Variants in SH3D19 observed in about 807,000 individuals in gnomAD.
The protein encoded by SH3D19 is SH3 domain-containing protein 19.
In SH3D19, 58 loss-of-function variants were observed where a neutral mutation model predicts 112.1. The observed-to-expected ratio is 0.52, with a 90% CI of 0.42 to 0.64. SH3D19 has a LOEUF of 0.64. Ranked by LOEUF, SH3D19 falls within the 30% of genes least tolerant of loss-of-function variation. The pLI is 0.00. For missense variants in SH3D19, 1,090 were observed against 1,263.4 expected (o/e 0.86, Z 2.08); for synonymous variants, 391 against 448.5 (o/e 0.87, Z 1.62).
chr4:151,179,771 T>A (rs1236461781), intron 3 of SH3D19, among the ~76,000 whole-genome samples: 1 of 152,220 alleles, frequency 6.6e-6, no homozygotes, highest in Non-Finnish European at 1.5e-5. Flanking sequence ...TCGATTCCAA[T>A]CTATATGACT....
chr4:151,192,329 A>G (rs1052527177), intron 2 of SH3D19, among the ~76,000 whole-genome samples: 41 of 152,190 alleles, frequency 2.7e-4, no homozygotes, highest in African/African-American at 9.4e-4. Flanking sequence ...CTTATCTGTA[A>G]TATGAGGATA....
intron 1 of SH3D19, among the ~76,000 whole-genome samples, chr4:151,270,494 G>C (rs189567935): frequency 6.6e-6 from 1 of 152,278 alleles, no homozygotes. Context: ...AGAACCATGA[G>C]CCAATTAAAG....
rs1267314374 is a variant in SH3D19, at chr4:151,149,537, C to T, written c.1780G>A (p.Gly594Arg). 2 of 1,611,418 alleles carry T rather than the reference C, an allele frequency of 1.2e-6. No homozygotes were observed. The highest frequency in any genetic ancestry group is 1.7e-6 in the Non-Finnish European group (2 of 1,178,732). ...CTTGGGGGTACTCGCACAAAACCTC[C>T]TGTTTGACCTGGGTGGTTGGATTCC... ...NLESNHPGQT[G>R]GFVRVPPRLP... The change falls in exon 10 of 20, where the codon GGA becomes AGA. Residue 594 changes from glycine (G) to arginine (R), a missense_variant. Transcript: ENST00000604030.
intron 1 of SH3D19, among the ~76,000 whole-genome samples, chr4:151,318,771 G>C (rs1480963024): frequency 6.6e-6 from 1 of 152,190 alleles, no homozygotes; most frequent in Non-Finnish European, 1.5e-5. Flanking sequence ...AAGAATAGAA[G>C]CAGAGAGGTT....
chr4:151,247,265 C>T (rs1423136120), intron 1 of SH3D19, among the ~76,000 whole-genome samples: 1 of 152,032 alleles, frequency 6.6e-6, no homozygotes, highest in African/African-American at 2.4e-5. Context: ...TAAAAAGGAA[C>T]GAACTGGAAG....
chr4:151,143,676 G>C (rs1291675784), intron 12 of SH3D19, among the ~76,000 whole-genome samples: 1 of 151,606 alleles, frequency 6.6e-6, no homozygotes, highest in Non-Finnish European at 1.5e-5. Context: ...CCAGGCTGGA[G>C]TGCAGTGAAG....
intron 1 of SH3D19, among the ~76,000 whole-genome samples, chr4:151,284,141 T>A (rs1774512667): frequency 6.6e-6 from 1 of 152,246 alleles, no homozygotes; most frequent in African/African-American, 2.4e-5. Flanking sequence ...TGGAAATTTT[T>A]CAGTAATGAT....
intron 9 of SH3D19, among the ~76,000 whole-genome samples, chr4:151,155,971 A>T (rs1756033206): frequency 1.3e-5 from 2 of 152,244 alleles, no homozygotes; most frequent in Admixed American, 1.3e-4. Flanking sequence ...TGAATTCAGT[A>T]AAGTTGCAGG....
At chr4:151,254,317 A>T (rs1307428382) in intron 1 of SH3D19, among the ~76,000 whole-genome samples, 7 of 150,704 alleles carry the variant, frequency 4.6e-5, no homozygotes, top group South Asian at 2.1e-4. Flanking sequence ...TTATTTATTT[A>T]TTTTTTAAAT....
At position 151,289,632 on chromosome 4, in the gene SH3D19, C is replaced by T. The variant is rs181495031; in HGVS notation, c.112+35609G>A. On this transcript the variant is annotated intron_variant, in intron 1 of 19. Transcript: ENST00000604030. ...ATATGCAAATGTAGAGAAATTGGAG[C>T]CTTCTAACACTGTTGGTGGTAATAT... is the stretch of plus-strand genomic sequence containing the variant. 9.9e-4 allele frequency among the ~76,000 whole-genome samples: 151 copies of T among 152,244 alleles called. 1 individual carries two copies. Among genetic ancestry groups the T allele is most frequent in the East Asian group, 5.0e-3 (26 of 5,188 alleles).
intron 19 of SH3D19, among the ~76,000 whole-genome samples, chr4:151,126,776 T>C (rs1409650577): frequency 3.1e-5 from 4 of 127,778 alleles, no homozygotes; most frequent in East Asian, 4.6e-4. Context: ...CCAGCCTGGG[T>C]GACAGAGCGA....
At chr4:151,163,305 A>G (rs1316235746) in intron 8 of SH3D19, among the ~76,000 whole-genome samples, 2 of 152,214 alleles carry the variant, frequency 1.3e-5, no homozygotes, top group Non-Finnish European at 2.9e-5. Flanking sequence ...GAGTCCTCCT[A>G]GTGAATCATC....
chr4:151,184,977 T>C (rs1364679753), intron 3 of SH3D19, among the ~76,000 whole-genome samples: 1 of 151,548 alleles, frequency 6.6e-6, no homozygotes, highest in African/African-American at 2.4e-5. Context: ...TTAAGAGCTA[T>C]TGGTGATTCA....
chr4:151,236,836 A>T (rs1466810610), intron 1 of SH3D19, among the ~76,000 whole-genome samples: 2 of 151,644 alleles, frequency 1.3e-5, no homozygotes, highest in African/African-American at 2.4e-5. Flanking sequence ...GCACCAATCA[A>T]CAATCTGTCA....
intron 19 of SH3D19, among the ~76,000 whole-genome samples, chr4:151,125,462 T>A (rs1748996731): frequency 1.2e-5 from 1 of 85,612 alleles, no homozygotes; most frequent in Admixed American, 1.5e-4. Flanking sequence ...TGAGACCCTG[T>A]CTCAGAAACA....
chr4:151,246,216 G>GTA (rs910800902), intron 1 of SH3D19, among the ~76,000 whole-genome samples: 5 of 152,228 alleles, frequency 3.3e-5, no homozygotes, highest in East Asian at 1.9e-4. Flanking sequence ...CTAATTCCTG[G>GTA]TATATATATA....
intron 1 of SH3D19, among the ~76,000 whole-genome samples, chr4:151,286,734 C>T (rs1774827745): frequency 6.6e-6 from 1 of 151,732 alleles, no homozygotes; most frequent in Non-Finnish European, 1.5e-5. Flanking sequence ...AACCCCAGTA[C>T]TTTAGGAGGC....
intron 1 of SH3D19, among the ~76,000 whole-genome samples, chr4:151,299,457 G>C (rs574899891): frequency 6.6e-6 from 1 of 152,160 alleles, no homozygotes; most frequent in Non-Finnish European, 1.5e-5. Context: ...GCGCATGCCT[G>C]TAATCCCAGC....
chr4:151,212,433 C>T (rs1421604540), intron 2 of SH3D19, among the ~76,000 whole-genome samples: 1 of 152,200 alleles, frequency 6.6e-6, no homozygotes, highest in Admixed American at 6.5e-5. Context: ...GTGTGAGGGG[C>T]ACCTGGCCTC....
Sources: gnomAD v4.1 joint callset for allele counts (sites outside exome capture counted in the v4.1 genomes callset) on GRCh38, gnomAD v4.1.1 for gene constraint, MANE v1.5 for transcripts, NCBI Gene and HGNC (gene_info 2026-07-23, HGNC 2026-07-21) for gene names.